The following UBE2E1 variants were observed in gnomAD, a reference collection of about 807,000 sequenced individuals.
The protein encoded by UBE2E1 is ubiquitin-conjugating enzyme E2 E1.
A neutral mutation model predicts 21.4 loss-of-function variants in UBE2E1; 6 were observed. That is an observed-to-expected ratio of 0.28 (90% CI 0.15 to 0.55). The LOEUF (loss-of-function observed/expected upper bound fraction) is 0.55. Among genes scored for constraint, UBE2E1 ranks in the 20% least tolerant of loss-of-function variants. The pLI is 0.93. For synonymous variants in UBE2E1, 87 were observed against 82.7 expected (o/e 1.05, Z -0.28); for missense variants, 142 against 236.5 (o/e 0.60, Z 2.62).
chr3:23,845,931 C>T (rs1288171605), intron 3 of UBE2E1, among the ~76,000 whole-genome samples: 1 of 152,058 alleles, frequency 6.6e-6, no homozygotes, highest in Non-Finnish European at 1.5e-5. Flanking sequence ...TTTTTAATCA[C>T]TTAAAAATGT....
chr3:23,845,625 G>A (rs1274807935), intron 3 of UBE2E1, among the ~76,000 whole-genome samples: 1 of 151,406 alleles, frequency 6.6e-6, no homozygotes, highest in Non-Finnish European at 1.5e-5. Context: ...GTATGTGTGT[G>A]TATGTATATA....
intron 3 of UBE2E1, among the ~76,000 whole-genome samples, chr3:23,838,669 G>A (rs950014866): frequency 2.0e-5 from 3 of 151,976 alleles, no homozygotes; most frequent in African/African-American, 4.8e-5. Flanking sequence ...GCTAAATTTT[G>A]TATTTTTAGT....
chr3:23,808,604 C>T lies in UBE2E1; in HGVS notation c.152+1183C>T, dbSNP rs1699324626. ...ACTTGGCAGTGTTTTGGTGACCTAA[C>T]CATGGGCTGATGAAGGAGTGACTTT... On this transcript the variant is annotated intron_variant, in intron 2 of 5. Coordinates refer to ENST00000306627, the MANE Select transcript of UBE2E1 (RefSeq NM_003341.5). This position sits in a 1 kb window ranked among gnomAD's most constrained non-coding sequence, Gnocchi z 4.9. 6.6e-6 allele frequency: 1 copy of T among 152,212 alleles called. No homozygotes were observed. The highest frequency in any genetic ancestry group is 2.4e-5 in the African/African-American group (1 of 41,430). The allele number at this position is 152,212 out of a possible 1,614,324, so 9.4% of individuals were successfully genotyped here.
chr3:23,820,828 A>T (rs570047917), intron 3 of UBE2E1, among the ~76,000 whole-genome samples: 1 of 152,336 alleles, frequency 6.6e-6, no homozygotes, highest in East Asian at 1.9e-4. Flanking sequence ...TACATTGGCC[A>T]TTTGTATTTA....
At chr3:23,815,157 T>G (rs982819715) in intron 3 of UBE2E1, among the ~76,000 whole-genome samples, 1 of 152,096 alleles carries the variant, frequency 6.6e-6, no homozygotes, top group Non-Finnish European at 1.5e-5. Flanking sequence ...ATTTTTTGTA[T>G]TTTTTTGTAG....
At chr3:23,824,345 G>A (rs887585944) in intron 3 of UBE2E1, among the ~76,000 whole-genome samples, 2 of 152,256 alleles carry the variant, frequency 1.3e-5, no homozygotes, top group Admixed American at 6.5e-5. Context: ...AATTTGTGAA[G>A]AAAGGCATTC....
rs550164433 is a variant in UBE2E1 at position 23,834,168 on chromosome 3, A to G, written c.203+22658A>G. Among the ~76,000 whole-genome samples, 10 of 152,338 alleles carry G rather than the reference A, an allele frequency of 6.6e-5. No homozygotes were observed. The South Asian group carries it at 1.4e-3, about 22-fold the overall frequency. Reference sequence around the variant, plus strand: ...AGGCCTTTTACAGCTCATTTGTGATAGTCATACAGTTTTCTTTGCTGTAAT... The same window carrying G: ...AGGCCTTTTACAGCTCATTTGTGATGGTCATACAGTTTTCTTTGCTGTAAT... On this transcript the variant is annotated intron_variant, in intron 3 of 5. Transcript: ENST00000306627.
At chr3:23,890,408 C>A (rs559325930) in intron 5 of UBE2E1, 101 bp from the exon 6 acceptor site, 144 of 1,077,188 alleles carry the variant, frequency 1.3e-4, no homozygotes, top group Admixed American at 5.6e-4. Flanking sequence ...GGTTTGATCA[C>A]ACATACTTTG....
intron 3 of UBE2E1, among the ~76,000 whole-genome samples, chr3:23,858,180 T>C (rs1462711291): frequency 1.3e-5 from 2 of 152,174 alleles, no homozygotes; most frequent in African/African-American, 4.8e-5. Context: ...ACAGTGTAAA[T>C]TCTGGATTTC....
intron 3 of UBE2E1, among the ~76,000 whole-genome samples, chr3:23,882,356 C>T (rs1163167675): frequency 6.6e-6 from 1 of 152,202 alleles, no homozygotes; most frequent in Non-Finnish European, 1.5e-5. Flanking sequence ...CTGATTGGTG[C>T]ATTTACAAAC....
chr3:23,874,269 C>T (rs1335569525), intron 3 of UBE2E1, among the ~76,000 whole-genome samples: 10 of 152,168 alleles, frequency 6.6e-5, no homozygotes. Flanking sequence ...TTAAAACTTT[C>T]TTTGTGACAC....
intron 3 of UBE2E1, among the ~76,000 whole-genome samples, chr3:23,850,853 T>C (rs1205604990): frequency 2.3e-5 from 2 of 88,734 alleles, no homozygotes; most frequent in Admixed American, 1.3e-4. Context: ...TTTTTTTTTT[T>C]TTTTTTTAAG....
At position 23,860,940 on chromosome 3, in the gene UBE2E1, G is replaced by GAT. The variant is rs1216844844; in HGVS notation, c.204-26618_204-26617dup. ...ATGTTAATATATAAACAGACAAGGA[G>GAT]ATATATATATGTAAAGTCACATTTT... On this transcript the variant is annotated intron_variant, in intron 3 of 5. Coordinates refer to ENST00000306627, the MANE Select transcript of UBE2E1 (RefSeq NM_003341.5). 3.3e-5 allele frequency among the ~76,000 whole-genome samples: 5 copies of GAT among 152,270 alleles called. No individual in the cohort carries two copies. In the East Asian group the frequency reaches 5.8e-4, roughly 18 times the overall value.
At chr3:23,819,024 C>T (rs1699588677) in intron 3 of UBE2E1, among the ~76,000 whole-genome samples, 1 of 152,160 alleles carries the variant, frequency 6.6e-6, no homozygotes, top group South Asian at 2.1e-4. Flanking sequence ...GTGGCTTACG[C>T]CTGTAGTCCC....
At position 23,806,332 on chromosome 3, in the gene UBE2E1, A is replaced by T. The variant is rs1278719069; in HGVS notation, c.-34+244A>T. ...GCCGCCCGCATTGAGGACGGGGGTC[A>T]TTGTGGCTCGAACTGTCAGCGCTGC... On this transcript the variant is annotated intron_variant, in intron 1 of 5. Transcript: ENST00000306627. The surrounding 1 kb of genome is among the most constrained non-coding windows in gnomAD (Gnocchi z 6.5). Among the ~76,000 whole-genome samples, 1 of 149,896 alleles carries T rather than the reference A, an allele frequency of 6.7e-6. No individual in the cohort carries two copies. The highest frequency in any genetic ancestry group is 2.0e-4 in the East Asian group (1 of 4,956).
rs1455071599 is a variant in UBE2E1, at chr3:23,806,249, G to T, written c.-34+161G>T. On this transcript the variant is annotated intron_variant, in intron 1 of 5. Coordinates refer to ENST00000306627, the MANE Select transcript of UBE2E1 (RefSeq NM_003341.5). This position sits in a 1 kb window ranked among gnomAD's most constrained non-coding sequence, Gnocchi z 6.5. ...CGGAGAGGGGCTGGGGAGCCCCAGGGGTCCGGGGCCCGCCCGCGGGGGATG... is the reference window on the plus strand; with the variant it reads ...CGGAGAGGGGCTGGGGAGCCCCAGGTGTCCGGGGCCCGCCCGCGGGGGATG... Among the ~76,000 whole-genome samples the T allele has an allele frequency of 3.3e-5, 5 of 149,708 alleles. No individual in the cohort carries two copies. Among genetic ancestry groups the T allele is most frequent in the Non-Finnish European group, 6.0e-5 (4 of 67,108 alleles).
intron 3 of UBE2E1, among the ~76,000 whole-genome samples, chr3:23,851,734 C>T (rs559110345): frequency 9.9e-5 from 15 of 152,118 alleles, no homozygotes; most frequent in South Asian, 4.2e-4. Context: ...CCCAGGAGTT[C>T]GAGGCTGCAG....
chr3:23,854,122 G>A (rs539256907), intron 3 of UBE2E1, among the ~76,000 whole-genome samples: 4 of 151,974 alleles, frequency 2.6e-5, no homozygotes, highest in African/African-American at 9.7e-5. Context: ...ACCGATTGTG[G>A]TAGTGCATGC....
intron 3 of UBE2E1, among the ~76,000 whole-genome samples, chr3:23,856,458 G>C (rs975997692): frequency 1.3e-5 from 2 of 152,214 alleles, no homozygotes; most frequent in African/African-American, 4.8e-5. Context: ...TGGTTTGGAA[G>C]TCATTGCTTT....
Sources: gnomAD v4.1 joint callset for allele counts (sites outside exome capture counted in the v4.1 genomes callset) on GRCh38, gnomAD v4.1.1 for gene constraint, Gnocchi (gnomAD v3.1) non-coding constraint, MANE v1.5 for transcripts, NCBI Gene and HGNC (gene_info 2026-07-23, HGNC 2026-07-21) for gene names.